The following WWP1 variants were observed in gnomAD, a reference collection of about 807,000 sequenced individuals.
WWP1 encodes the protein NEDD4-like E3 ubiquitin-protein ligase WWP1.
WWP1 carries 49 observed loss-of-function variants against 130.6 expected under a neutral mutation model. The observed-to-expected ratio is 0.38, with a 90% CI of 0.30 to 0.48. WWP1 has a LOEUF of 0.48. WWP1 is among the 20% of genes least tolerant of loss of function. The probability of loss-of-function intolerance (pLI) is 0.99; values close to 1 mark genes in which losing one functional copy is unlikely to be tolerated. For missense variants in WWP1, 809 were observed against 1,100.6 expected (o/e 0.74, Z 3.75); for synonymous variants, 332 against 367.8 (o/e 0.90, Z 1.11).
At chr8:86,424,071 G>T (rs2130637686) in intron 9 of WWP1, among the ~76,000 whole-genome samples, 1 of 148,126 alleles carries the variant, frequency 6.8e-6, no homozygotes, top group Admixed American at 6.7e-5. Context: ...GGGCGGAGGG[G>T]CTCCTCACTT....
chr8:86,462,137 G>T (rs755271191), intron 24 of WWP1, among the ~76,000 whole-genome samples: 1 of 152,060 alleles, frequency 6.6e-6, no homozygotes, highest in Non-Finnish European at 1.5e-5. Flanking sequence ...CCCCATGGTG[G>T]GGCACAAATG....
intron 22 of WWP1, among the ~76,000 whole-genome samples, chr8:86,460,256 A>C (rs1811685687): frequency 6.6e-6 from 1 of 152,192 alleles, no homozygotes; most frequent in African/African-American, 2.4e-5. Flanking sequence ...ACCACAAACT[A>C]TTAAGAGTGG....
At chr8:86,348,275 A>G (rs897322056) in intron 1 of WWP1, among the ~76,000 whole-genome samples, 2 of 151,810 alleles carry the variant, frequency 1.3e-5, no homozygotes, top group African/African-American at 4.8e-5. Flanking sequence ...CTGGAGTGCA[A>G]TGGCGCAATC....
In WWP1 at chr8:86,398,490, T is replaced by C. The variant is rs1440201945; in HGVS notation, c.472+11T>C. ...GCTCATCTCCAACCAGTAAGCTAAC[T>C]TTATATGTTTGTAAAATTTCAAGGA... On this transcript the variant is annotated intron_variant, in intron 6 of 24. Coordinates refer to ENST00000517970, the MANE Select transcript of WWP1 (RefSeq NM_007013.4). The C allele has an allele frequency of 1.2e-6, 2 of 1,610,048 alleles. No individual in the cohort carries two copies. The highest frequency in any genetic ancestry group is 1.7e-6 in the Non-Finnish European group (2 of 1,178,676).
intron 20 of WWP1, among the ~76,000 whole-genome samples, chr8:86,449,450 A>G (rs928775259): frequency 6.6e-6 from 1 of 152,242 alleles, no homozygotes; most frequent in Non-Finnish European, 1.5e-5. Context: ...GTGTTCCAGT[A>G]AAACACTTGT....
intron 1 of WWP1, among the ~76,000 whole-genome samples, chr8:86,355,436 C>T (rs1030209912): frequency 6.6e-6 from 1 of 151,890 alleles, no homozygotes; most frequent in Non-Finnish European, 1.5e-5. Context: ...TCAAGAATGC[C>T]AAAATATTAA....
Position 86,429,675 on chromosome 8 carries a change from G to C in WWP1, c.1333-1022G>C, listed in dbSNP as rs536454762. Among the ~76,000 whole-genome samples the C allele has an allele frequency of 8.5e-5, 13 of 152,182 alleles. No individual in the cohort carries two copies. The South Asian group carries it at 2.7e-3, about 32-fold the overall frequency. ...GTGTTAGTTTTATTAGTGGGCATTTGTTTTAAAGAAAATTGTGATAACTGT... is the reference window on the plus strand; with the variant it reads ...GTGTTAGTTTTATTAGTGGGCATTTCTTTTAAAGAAAATTGTGATAACTGT... On this transcript the variant is annotated intron_variant, in intron 11 of 24. Coordinates refer to ENST00000517970, the MANE Select transcript of WWP1 (RefSeq NM_007013.4).
intron 14 of WWP1, among the ~76,000 whole-genome samples, chr8:86,435,048 A>G (rs957604981): frequency 2.6e-5 from 4 of 152,142 alleles, no homozygotes; most frequent in African/African-American, 9.7e-5. Context: ...TGCTTTGCTT[A>G]TTATCTCCAG....
intron 21 of WWP1, among the ~76,000 whole-genome samples, chr8:86,455,681 A>G (rs549565099): frequency 7.2e-5 from 11 of 152,072 alleles, no homozygotes; most frequent in African/African-American, 2.2e-4. Flanking sequence ...GAGATATACG[A>G]TGTTATATTG....
At chr8:86,394,249 T>C (rs1807521428) in intron 5 of WWP1, among the ~76,000 whole-genome samples, 1 of 152,246 alleles carries the variant, frequency 6.6e-6, no homozygotes, top group African/African-American at 2.4e-5. Flanking sequence ...TACCTAGTTA[T>C]ATACCTACCT....
intron 2 of WWP1, among the ~76,000 whole-genome samples, chr8:86,371,207 C>T (rs757186456): frequency 2.0e-5 from 3 of 151,888 alleles, no homozygotes; most frequent in Admixed American, 6.6e-5. Flanking sequence ...GTAGTTCATT[C>T]GTTCTCACTA....
Position 86,398,582 on chromosome 8 carries a change from G to A in WWP1, c.483G>A (p.Gln161=), listed in dbSNP as rs1807804804. The change falls in exon 7 of 25, where the codon CAG becomes CAA. Residue 161 remains glutamine (Q), a synonymous_variant. Transcript: ENST00000517970. ...NCSSSPTIEI[Q]ENGDALHENG... is the part of the protein sequence containing the mutation. ...TTTCTTGTTGTTCAGTAGAAATACA[G>A]GAAAATGGTGATGCCTTACATGAAA... The A allele has an allele frequency of 6.2e-7, 1 of 1,613,068 alleles. No individual in the cohort carries two copies. The highest frequency in any genetic ancestry group is 2.2e-5 in the East Asian group (1 of 44,838).
At chr8:86,432,550 C>CAA (rs72136808) in intron 14 of WWP1, among the ~76,000 whole-genome samples, 54,182 of 145,156 alleles carry the variant, frequency 0.37, 10,746 homozygotes, top group Middle Eastern at 0.49. Context: ...AAAAAAAAAG[C>CAA]AAAAAAAAAA....
At chr8:86,438,069 G>A (rs1300857458) in intron 16 of WWP1, among the ~76,000 whole-genome samples, 1 of 152,098 alleles carries the variant, frequency 6.6e-6, no homozygotes, top group African/African-American at 2.4e-5. Context: ...CAAAGTGCTG[G>A]GATTACAGGC....
At chr8:86,380,649 C>G in intron 3 of WWP1, 77 bp from the exon 4 acceptor site, 1 of 1,420,808 alleles carries the variant, frequency 7.0e-7, no homozygotes. Flanking sequence ...AAGCACAATT[C>G]CATTCTTATT....
chr8:86,365,783 G>A (rs1291472402), intron 1 of WWP1, among the ~76,000 whole-genome samples: 1 of 152,170 alleles, frequency 6.6e-6, no homozygotes, highest in Non-Finnish European at 1.5e-5. Context: ...GGCAAATAGT[G>A]AGACCCTGTC....
rs879709590 is a variant in WWP1 at position 86,443,644 on chromosome 8, A to T, written c.1998+866A>T. 4.5e-4 allele frequency among the ~76,000 whole-genome samples: 69 copies of T among 152,338 alleles called. 1 individual carries two copies. Among genetic ancestry groups the T allele is most frequent in the Non-Finnish European group, 2.5e-4 (17 of 68,034 alleles). On this transcript the variant is annotated intron_variant, in intron 18 of 24. Transcript: ENST00000517970. ...CTCTCAGGGACCTAAATTCCATTAG[A>T]TAGAAATGAGTAATCAATAGATATA...
At chr8:86,435,793 C>A in intron 16 of WWP1, 89 bp downstream of exon 16, 5 of 1,230,284 alleles carry the variant, frequency 4.1e-6, no homozygotes, top group South Asian at 2.8e-5. Context: ...GATTTTTAAA[C>A]CACCCAGAAC....
chr8:86,411,994 C>A (rs1276244231), intron 9 of WWP1, 120 bp downstream of exon 9: 1 of 924,760 alleles, frequency 1.1e-6, no homozygotes, highest in Non-Finnish European at 1.6e-6. Context: ...AAGTTGGGAT[C>A]TGAATCATAC....
Sources: allele counts gnomAD v4.1 joint callset (sites outside exome capture counted in the v4.1 genomes callset), GRCh38; gene constraint gnomAD v4.1.1; transcripts MANE v1.5; gene names NCBI Gene and HGNC (gene_info 2026-07-23, HGNC 2026-07-21).